The following DISP1 variants were observed in gnomAD, a reference collection of about 807,000 sequenced individuals.
The protein encoded by DISP1 is protein dispatched homolog 1.
A neutral mutation model predicts 37.3 loss-of-function variants in DISP1; 30 were observed. That is an observed-to-expected ratio of 0.80 (90% confidence interval 0.60 to 1.09). The LOEUF is 1.09. DISP1 is among the 50% of genes least tolerant of loss of function. DISP1 has a pLI of 0.00. For synonymous variants in DISP1, 634 were observed against 690.2 expected (o/e 0.92, Z 1.28); for missense variants, 1,598 against 1,879.5 (o/e 0.85, Z 2.77).
chr1:222,880,957 T>C (rs1050034110), intron 1 of DISP1, among the ~76,000 whole-genome samples: 1 of 151,934 alleles, frequency 6.6e-6, no homozygotes, highest in Non-Finnish European at 1.5e-5. Flanking sequence ...GCTACTCTGG[T>C]GGCTGAGGCA....
At position 223,003,095 on chromosome 1, in the gene DISP1, G is replaced by C; in HGVS notation, c.1698G>C (p.Leu566Phe). The change falls in exon 9 of 9, where the codon TTG becomes TTC. Residue 566 changes from leucine (L) to phenylalanine (F), a missense_variant. Leu to Phe is a conservative substitution (Grantham distance 22). Coordinates refer to ENST00000675850, the MANE Select transcript of DISP1 (RefSeq NM_001377229.1). This position sits in a 1 kb window ranked among gnomAD's most constrained non-coding sequence, Gnocchi z 4.3. ...TGAACCTCACTGCCCTCATTATTTT[G>C]GTTGGAATTGGAGCAGATGATGCTT... is the stretch of plus-strand genomic sequence containing the variant. ...PFMNLTALII[L>F]VGIGADDAFV... The C allele has an allele frequency of 1.2e-6, 2 of 1,614,032 alleles. No individual in the cohort carries two copies. The highest frequency in any genetic ancestry group is 1.7e-6 in the Non-Finnish European group (2 of 1,180,022).
At chr1:222,824,557 C>G (rs1663804115) in intron 1 of DISP1, among the ~76,000 whole-genome samples, 1 of 151,886 alleles carries the variant, frequency 6.6e-6, no homozygotes, top group Admixed American at 6.6e-5. Flanking sequence ...TATCTTCATA[C>G]TCCTAAAAGT....
intron 3 of DISP1, 88 bp downstream of exon 3, chr1:222,943,420 G>T (rs1008446879): frequency 1.9e-6 from 3 of 1,556,184 alleles, no homozygotes; most frequent in Non-Finnish European, 1.8e-6. Flanking sequence ...AAGGAGAGGA[G>T]AAAAATGAGG....
intron 1 of DISP1, among the ~76,000 whole-genome samples, chr1:222,836,024 G>A (rs1337437039): frequency 1.3e-5 from 2 of 151,772 alleles, no homozygotes; most frequent in African/African-American, 4.8e-5. Context: ...ATTTAAGATA[G>A]TAGTAGCAAA....
chr1:222,880,741 G>A (rs1311751457), intron 1 of DISP1, among the ~76,000 whole-genome samples: 1 of 152,106 alleles, frequency 6.6e-6, no homozygotes, highest in Non-Finnish European at 1.5e-5. Context: ...AAGACTACAC[G>A]TAACTTGGTG....
intron 3 of DISP1, among the ~76,000 whole-genome samples, chr1:222,957,353 C>T (rs949567357): frequency 6.6e-6 from 1 of 152,122 alleles, no homozygotes; most frequent in Admixed American, 6.5e-5. Flanking sequence ...CTTTGGGAAG[C>T]CGAGGTGGAT....
At chr1:222,945,362 T>A (rs999358820) in intron 3 of DISP1, among the ~76,000 whole-genome samples, 5 of 152,248 alleles carry the variant, frequency 3.3e-5, no homozygotes. Context: ...CCATTTTGAA[T>A]CAAACTGTGT....
In DISP1 at chr1:222,819,220, G is replaced by A. The variant is rs1480139280; in HGVS notation, c.-159+4142G>A. 7.2e-5 allele frequency among the ~76,000 whole-genome samples: 11 copies of A among 152,286 alleles called. No individual in the cohort carries two copies. The South Asian group carries it at 2.1e-3, about 29-fold the overall frequency. On this transcript the variant is annotated intron_variant, in intron 1 of 8. Transcript: ENST00000675850. ...TTCCTCTTCGCCTTCTGCAATGATT[G>A]TAAGTTTCCTGAGGCTTCCCCAGCT...
chr1:222,936,997 T>C (rs1673960175), intron 2 of DISP1, among the ~76,000 whole-genome samples: 1 of 107,690 alleles, frequency 9.3e-6, no homozygotes, highest in Non-Finnish European at 1.8e-5. Context: ...TATAATATTA[T>C]ATAATATAGA....
chr1:222,990,774 G>C, intron 5 of DISP1, 26 bp downstream of exon 5: 1 of 1,613,280 alleles, frequency 6.2e-7, no homozygotes, highest in Non-Finnish European at 8.5e-7. Flanking sequence ...GTTTTCTTTA[G>C]CCTAAAATCA....
At chr1:222,895,055 G>C (rs1671170079) in intron 1 of DISP1, among the ~76,000 whole-genome samples, 1 of 152,208 alleles carries the variant, frequency 6.6e-6, no homozygotes, top group Non-Finnish European at 1.5e-5. Flanking sequence ...TTGGGGGAAG[G>C]ATTTCAGGAT....
intron 3 of DISP1, among the ~76,000 whole-genome samples, chr1:222,951,830 T>C (rs983669544): frequency 1.3e-5 from 2 of 152,224 alleles, no homozygotes; most frequent in Non-Finnish European, 2.9e-5. Flanking sequence ...AGGGTGACCA[T>C]AGATAGATTG....
intron 3 of DISP1, among the ~76,000 whole-genome samples, chr1:222,981,856 C>G (rs1023714307): frequency 6.6e-6 from 1 of 152,134 alleles, no homozygotes; most frequent in Admixed American, 6.5e-5. Context: ...ATTCAGTCAG[C>G]AAATATTTAT....
rs555746729 is a variant in DISP1 at position 222,906,053 on chromosome 1, C to T, written c.-158-22377C>T. Among the ~76,000 whole-genome samples the T allele has an allele frequency of 5.3e-5, 8 of 152,270 alleles. No homozygotes were observed. In the South Asian group the frequency reaches 1.7e-3, roughly 32 times the overall value. On this transcript the variant is annotated intron_variant, in intron 1 of 8. Transcript: ENST00000675850. The stretch of plus-strand genomic sequence containing the variant: ...AAATATCAAGAAGGAAGGCTTATTT[C>T]CTGCCCTCAAGTATTTTAGTTTCCT...
chr1:222,852,132 C>T (rs1252365961), intron 1 of DISP1, among the ~76,000 whole-genome samples: 3 of 151,682 alleles, frequency 2.0e-5, no homozygotes, highest in Non-Finnish European at 2.9e-5. Flanking sequence ...GGTGGTGAGC[C>T]GAGATCGCGC....
chr1:222,949,252 G>A (rs1254838345), intron 3 of DISP1, among the ~76,000 whole-genome samples: 1 of 152,008 alleles, frequency 6.6e-6, no homozygotes, highest in East Asian at 1.9e-4. Context: ...AAATTAGCCT[G>A]GTGTGGTGGT....
intron 1 of DISP1, among the ~76,000 whole-genome samples, chr1:222,870,670 A>G (rs928020535): frequency 6.6e-6 from 1 of 151,908 alleles, no homozygotes; most frequent in Non-Finnish European, 1.5e-5. Flanking sequence ...GTTTGAGTTC[A>G]TTGTAGATTC....
intron 3 of DISP1, among the ~76,000 whole-genome samples, chr1:222,977,692 G>A (rs11581446): frequency 7.3e-4 from 110 of 151,344 alleles, no homozygotes; most frequent in Middle Eastern, 3.4e-3. Flanking sequence ...CCTCTCCCCC[G>A]ACCCCACAAC....
intron 3 of DISP1, among the ~76,000 whole-genome samples, chr1:222,973,139 G>A (rs1287730918): frequency 6.6e-6 from 1 of 152,078 alleles, no homozygotes; most frequent in African/African-American, 2.4e-5. Context: ...AAATTATGTA[G>A]AAGTGAGAAA....
Sources: gnomAD v4.1 joint callset for allele counts (sites outside exome capture counted in the v4.1 genomes callset) on GRCh38, gnomAD v4.1.1 for gene constraint, Gnocchi (gnomAD v3.1) non-coding constraint, MANE v1.5 for transcripts, NCBI Gene and HGNC (gene_info 2026-07-23, HGNC 2026-07-21) for gene names.